Variants in CPNE8 observed in about 807,000 individuals in gnomAD.
CPNE8 encodes the protein copine-8.
CPNE8 carries 45 observed loss-of-function variants against 81.5 expected under a neutral mutation model. That is an observed-to-expected ratio of 0.55 (90% CI 0.44 to 0.71). The LOEUF is 0.71. CPNE8 is among the 30% of genes least tolerant of loss of function. The pLI is 0.00. For synonymous variants in CPNE8, 252 were observed against 226.3 expected (o/e 1.11, Z -1.02); for missense variants, 594 against 672.1 (o/e 0.88, Z 1.28).
At chr12:38,742,208 T>C (rs558494621) in intron 10 of CPNE8, among the ~76,000 whole-genome samples, 11 of 152,304 alleles carry the variant, frequency 7.2e-5, no homozygotes, top group African/African-American at 2.4e-4. Flanking sequence ...CATGCCGCTA[T>C]GAAGACACAT....
intron 10 of CPNE8, among the ~76,000 whole-genome samples, chr12:38,759,794 A>G (rs921102163): frequency 3.3e-5 from 5 of 152,202 alleles, no homozygotes; most frequent in African/African-American, 1.2e-4. Context: ...AGTGTGTGTG[A>G]GTAAGCATAT....
intron 6 of CPNE8, among the ~76,000 whole-genome samples, chr12:38,777,209 T>C (rs925100568): frequency 5.3e-5 from 8 of 152,000 alleles, no homozygotes; most frequent in African/African-American, 9.7e-5. Context: ...TGACCCTGTG[T>C]AGGCCTAGGT....
intron 8 of CPNE8, among the ~76,000 whole-genome samples, chr12:38,766,988 G>T (rs1941704168): frequency 6.6e-6 from 1 of 151,940 alleles, no homozygotes. Context: ...CTATTAAGTA[G>T]CAAGGTTATT....
chr12:38,693,167 T>A (rs1207235277), intron 15 of CPNE8, among the ~76,000 whole-genome samples: 1 of 152,016 alleles, frequency 6.6e-6, no homozygotes, highest in African/African-American at 2.4e-5. Context: ...CCAGAAGACA[T>A]AACATGGAGA....
chr12:38,796,869 A>C (rs1942491158), intron 6 of CPNE8, among the ~76,000 whole-genome samples: 1 of 152,162 alleles, frequency 6.6e-6, no homozygotes. Context: ...CGACGGGCTT[A>C]AAAAATGGCG....
chr12:38,900,273 G>A (rs2137162630), intron 1 of CPNE8, among the ~76,000 whole-genome samples: 1 of 152,178 alleles, frequency 6.6e-6, no homozygotes, highest in East Asian at 1.9e-4. Flanking sequence ...AACCAGCACA[G>A]CTTGAACTTG....
At chr12:38,703,499 C>T (rs1442097023) in intron 13 of CPNE8, among the ~76,000 whole-genome samples, 1 of 152,098 alleles carries the variant, frequency 6.6e-6, no homozygotes, top group Non-Finnish European at 1.5e-5. Context: ...CAGCCAACAT[C>T]ATACTGAATG....
At chr12:38,862,755 C>T (rs921537383) in intron 3 of CPNE8, among the ~76,000 whole-genome samples, 3 of 152,104 alleles carry the variant, frequency 2.0e-5, no homozygotes, top group Non-Finnish European at 4.4e-5. Flanking sequence ...TCAAGACCAG[C>T]CTGACTAACA....
At chr12:38,826,905 C>T (rs928881202) in intron 6 of CPNE8, among the ~76,000 whole-genome samples, 2 of 151,310 alleles carry the variant, frequency 1.3e-5, no homozygotes, top group Admixed American at 6.6e-5. Flanking sequence ...TGCAGTGGCT[C>T]ACGCCTGTAA....
rs755646763 is a variant in CPNE8, at chr12:38,762,150, C to T, written c.642G>A (p.Lys214=). The T allele has an allele frequency of 6.2e-7, 1 of 1,602,608 alleles. No homozygotes were observed. Among genetic ancestry groups the T allele is most frequent in the Non-Finnish European group, 8.5e-7 (1 of 1,173,710 alleles). The change falls in exon 9 of 20, where the codon AAG becomes AAA. Residue 214 remains lysine (K), a synonymous_variant. Coordinates refer to ENST00000331366, the MANE Select transcript of CPNE8 (RefSeq NM_153634.3). ...NTLNPVWQAF[K]ISVRALCNGD... ...CATTACATAATGCTCTGACTGAGAT[C>T]TTGAATGCTTGCCATACTGGATTTA...
At chr12:38,710,985 C>G (rs926655061) in intron 13 of CPNE8, among the ~76,000 whole-genome samples, 1 of 152,092 alleles carries the variant, frequency 6.6e-6, no homozygotes, top group African/African-American at 2.4e-5. Flanking sequence ...TTGCCCACCA[C>G]TGTGAAACTA....
In CPNE8 at chr12:38,900,666, TG is replaced by T. The variant is rs373898081; in HGVS notation, c.98+4770del. On this transcript the variant is annotated intron_variant, in intron 1 of 19. Coordinates refer to ENST00000331366, the MANE Select transcript of CPNE8 (RefSeq NM_153634.3). ...TGTAGCCACAAAAGCATGAGGAGTT[TG>T]GTTGTCTAGGATGAACGCTCACACT... Among the ~76,000 whole-genome samples the T allele has an allele frequency of 1.9e-3, 287 of 152,204 alleles. 1 individual carries two copies. Among genetic ancestry groups the T allele is most frequent in the African/African-American group, 6.7e-3 (280 of 41,538 alleles).
intron 19 of CPNE8, among the ~76,000 whole-genome samples, chr12:38,661,763 A>G (rs1184691717): frequency 6.6e-6 from 1 of 152,180 alleles, no homozygotes; most frequent in African/African-American, 2.4e-5. Context: ...TCAACGAAAT[A>G]CTAGCAAACC....
intron 6 of CPNE8, among the ~76,000 whole-genome samples, chr12:38,796,502 G>C (rs1340174058): frequency 6.6e-6 from 1 of 152,114 alleles, no homozygotes; most frequent in East Asian, 1.9e-4. Context: ...CATACTCTGG[G>C]AGATGTTTTC....
At chr12:38,830,616 C>T (rs543434199) in intron 5 of CPNE8, among the ~76,000 whole-genome samples, 2 of 152,182 alleles carry the variant, frequency 1.3e-5, no homozygotes, top group East Asian at 3.9e-4. Context: ...GTACTGAACA[C>T]GACCAAGAAA....
At chr12:38,784,035 A>G (rs1942114706) in intron 6 of CPNE8, among the ~76,000 whole-genome samples, 2 of 152,230 alleles carry the variant, frequency 1.3e-5, no homozygotes, top group African/African-American at 4.8e-5. Context: ...AGCACCAGGA[A>G]CCAAGCCTGG....
intron 19 of CPNE8, among the ~76,000 whole-genome samples, chr12:38,669,076 A>G (rs140565804): frequency 0.013 from 1,982 of 151,876 alleles, 30 homozygotes; most frequent in South Asian, 0.044. Flanking sequence ...AATAAATAAC[A>G]CACACACGCA....
At chr12:38,851,987 G>A (rs887955826) in intron 3 of CPNE8, among the ~76,000 whole-genome samples, 1 of 152,094 alleles carries the variant, frequency 6.6e-6, no homozygotes, top group African/African-American at 2.4e-5. Context: ...TTGAATGGCT[G>A]ACTTTTTCCT....
intron 7 of CPNE8, among the ~76,000 whole-genome samples, chr12:38,769,406 G>T (rs1941754710): frequency 6.6e-6 from 1 of 151,944 alleles, no homozygotes; most frequent in Non-Finnish European, 1.5e-5. Flanking sequence ...AGATCAAAAA[G>T]TTCTATACTA....
Sources: allele counts gnomAD v4.1 joint callset (sites outside exome capture counted in the v4.1 genomes callset), GRCh38; gene constraint gnomAD v4.1.1; transcripts MANE v1.5; gene names NCBI Gene and HGNC (gene_info 2026-07-23, HGNC 2026-07-21).